CSNK2A2: variants seen among roughly 807,000 people sequenced by gnomAD.
The protein encoded by CSNK2A2 is casein kinase 2 alpha 2.
In CSNK2A2, 8 loss-of-function variants were observed where a neutral mutation model predicts 54.0. The ratio of observed to expected loss-of-function variants is 0.15; its 90% CI spans 0.09 to 0.27. CSNK2A2 has a LOEUF of 0.27. CSNK2A2 is among the 10% of genes least tolerant of loss of function. CSNK2A2 has a pLI of 1.00. For synonymous variants in CSNK2A2, 141 were observed against 153.9 expected, an observed-to-expected ratio of 0.92 and a Z score of 0.62; for missense variants, 242 against 439.4, an observed-to-expected ratio of 0.55 and a Z score of 4.02.
At chr16:58,168,518 C>A (rs181163164) in intron 6 of CSNK2A2, 92 bp downstream of exon 6, 1 of 1,012,240 alleles carries the variant, frequency 9.9e-7, no homozygotes, top group Non-Finnish European at 1.5e-6. Flanking sequence ...AAACCCACCA[C>A]GGGTCTACAG....
chr16:58,187,065 C>A (rs1298710894), intron 2 of CSNK2A2, among the ~76,000 whole-genome samples: 2 of 151,768 alleles, frequency 1.3e-5, no homozygotes, highest in Non-Finnish European at 2.9e-5. Flanking sequence ...CAGACTCATA[C>A]AGCTTATGTG....
At chr16:58,166,024 A>G (rs1961551788) in intron 9 of CSNK2A2, among the ~76,000 whole-genome samples, 1 of 152,198 alleles carries the variant, frequency 6.6e-6, no homozygotes, top group Admixed American at 6.5e-5. Context: ...GGCAATTTTT[A>G]TTGGTCAGCA....
At chr16:58,185,782 T>C (rs530678836) in intron 3 of CSNK2A2, among the ~76,000 whole-genome samples, 9 of 152,320 alleles carry the variant, frequency 5.9e-5, no homozygotes, top group Admixed American at 3.3e-4. Context: ...TCAACAATAC[T>C]GTGTAATCTT....
In CSNK2A2 at chr16:58,196,833, T is replaced by A; in HGVS notation, c.116A>T (p.Asp39Val). Residue 39 changes from aspartate (D) to valine (V), a missense_variant, in exon 2 of 12, where the codon GAT (aspartate) becomes GTT (valine). Asp to Val is a radical substitution (Grantham distance 152, BLOSUM62 -3). Transcript: ENST00000262506. ...AHVPSWGNQDDYQLVRKLGRG... is the reference protein window; with the variant it reads ...AHVPSWGNQDVYQLVRKLGRG... ...ACCAAGTTTTCGAACCAGTTGGTAA[T>A]CATCTTGATTACTGTAAAAGGAAGA... The A allele has an allele frequency of 6.2e-7, 1 of 1,606,568 alleles. No individual in the cohort carries two copies. Among genetic ancestry groups the A allele is most frequent in the African/African-American group, 1.3e-5 (1 of 74,888 alleles).
At chr16:58,179,996 T>G (rs1345734467) in intron 4 of CSNK2A2, among the ~76,000 whole-genome samples, 1 of 151,128 alleles carries the variant, frequency 6.6e-6, no homozygotes, top group African/African-American at 2.4e-5. Flanking sequence ...GGAGAATCAC[T>G]TGAACCCAGG....
At chr16:58,163,180 A>G (rs913638192) in intron 11 of CSNK2A2, 1 of 149,198 alleles carries the variant, frequency 6.7e-6, no homozygotes, top group African/African-American at 2.5e-5. Context: ...TCTCTGTTTC[A>G]GAGAGGTGCA....
intron 6 of CSNK2A2, among the ~76,000 whole-genome samples, chr16:58,168,303 T>TG (rs1262168695): frequency 6.6e-6 from 1 of 152,134 alleles, no homozygotes; most frequent in Non-Finnish European, 1.5e-5. Flanking sequence ...CCAGGCAGAT[T>TG]GGTCTGCGGG....
chr16:58,166,442 G>A, intron 9 of CSNK2A2, 142 bp downstream of exon 9: 1 of 541,326 alleles, frequency 1.8e-6, no homozygotes, highest in Non-Finnish European at 3.3e-6. Flanking sequence ...ATCTCAATAA[G>A]TTAAAAGAAA....
rs142587802 is a variant in CSNK2A2, at chr16:58,175,409, C to A, written c.370-899G>T. Among the ~76,000 whole-genome samples the A allele has an allele frequency of 3.5e-4, 53 of 152,326 alleles. 1 individual carries two copies. The East Asian group carries it at 8.3e-3, about 24-fold the overall frequency. ...TAAGAAACACACCTTTATTAAACTT[C>A]TCTTGTTCTTCTATTGAAAGAGAGA... On this transcript the variant is annotated intron_variant, in intron 4 of 11. Coordinates refer to ENST00000262506, the MANE Select transcript of CSNK2A2 (RefSeq NM_001896.4).
chr16:58,164,023 G>C, intron 11 of CSNK2A2, 31 bp downstream of exon 11: 6 of 1,552,174 alleles, frequency 3.9e-6, no homozygotes, highest in Non-Finnish European at 4.4e-6. Context: ...TGGTTGGTTG[G>C]TTTTATTGGC....
intron 4 of CSNK2A2, 35 bp downstream of exon 4, chr16:58,184,225 C>A (rs112704813): frequency 1.3e-6 from 2 of 1,555,734 alleles, no homozygotes; most frequent in East Asian, 2.3e-5. Flanking sequence ...CCCCTCACCC[C>A]GTTAACCCCA....
At chr16:58,192,300 T>C (rs1962337295) in intron 2 of CSNK2A2, among the ~76,000 whole-genome samples, 1 of 152,134 alleles carries the variant, frequency 6.6e-6, no homozygotes, top group African/African-American at 2.4e-5. Context: ...GCTTTATACA[T>C]GAAAATGGGC....
At chr16:58,184,434 G>C in intron 3 of CSNK2A2, 124 bp from the exon 4 acceptor site, 1 of 610,570 alleles carries the variant, frequency 1.6e-6, no homozygotes, top group Non-Finnish European at 2.9e-6. Context: ...ATCAGGGACA[G>C]CCTGTCAAGA....
chr16:58,164,104 A>G lies in CSNK2A2; in HGVS notation c.1020T>C (p.Ala340=), dbSNP rs778986136. ...CTGCCGTGAGACCACTGGAAAGCACAGCATTGTCTGCACAAGGCTGGGACT... is the reference window on the plus strand; with the variant it reads ...CTGCCGTGAGACCACTGGAAAGCACGGCATTGTCTGCACAAGGCTGGGACT... ...KEQSQPCADN[A]VLSSGLTAAR Residue 340 remains alanine, a synonymous_variant, in exon 11 of 12, where the codon GCT becomes GCC. Transcript: ENST00000262506. 11 of 1,613,890 alleles carry G rather than the reference A, an allele frequency of 6.8e-6. No homozygotes were observed. Among genetic ancestry groups the G allele is most frequent in the Non-Finnish European group, 9.3e-6 (11 of 1,179,954 alleles).
chr16:58,158,586 C>T (rs889800185), intron 11 of CSNK2A2, among the ~76,000 whole-genome samples: 3 of 152,188 alleles, frequency 2.0e-5, no homozygotes, highest in South Asian at 2.1e-4. Flanking sequence ...TGTCACAGGA[C>T]GGGTGCTCTG....
At chr16:58,183,313 G>A (rs1962109411) in intron 4 of CSNK2A2, among the ~76,000 whole-genome samples, 1 of 151,390 alleles carries the variant, frequency 6.6e-6, no homozygotes, top group Non-Finnish European at 1.5e-5. Flanking sequence ...GGAGACAGAG[G>A]TTGCAGTGAG....
chr16:58,196,346 A>C (rs1276120492), intron 2 of CSNK2A2, among the ~76,000 whole-genome samples: 1 of 152,216 alleles, frequency 6.6e-6, no homozygotes, highest in Non-Finnish European at 1.5e-5. Context: ...ACAGTGGCTC[A>C]CGCCTCTAAT....
intron 5 of CSNK2A2, 52 bp from the exon 6 acceptor site, chr16:58,168,745 C>T: frequency 3.0e-6 from 4 of 1,349,482 alleles, no homozygotes; most frequent in Non-Finnish European, 4.2e-6. Context: ...TACCATCCCC[C>T]AACGCAAGCA....
At chr16:58,195,450 T>C (rs1962417534) in intron 2 of CSNK2A2, among the ~76,000 whole-genome samples, 3 of 152,190 alleles carry the variant, frequency 2.0e-5, no homozygotes, top group Admixed American at 1.3e-4. Flanking sequence ...GGATTACCTA[T>C]ACCAGCTGCC....
Sources: gnomAD v4.1 joint callset for allele counts (sites outside exome capture counted in the v4.1 genomes callset) on GRCh38, gnomAD v4.1.1 for gene constraint, MANE v1.5 for transcripts, NCBI Gene and HGNC (gene_info 2026-07-23, HGNC 2026-07-21) for gene names.